Variants in ACOXL observed in about 807,000 individuals in gnomAD.
ACOXL encodes the protein acyl-coenzyme A oxidase-like protein.
In ACOXL, 70 loss-of-function variants were observed where a neutral mutation model predicts 71.9. The ratio of observed to expected loss-of-function variants is 0.97; its 90% CI spans 0.80 to 1.19. The LOEUF (loss-of-function observed/expected upper bound fraction) is 1.19. Ranked by LOEUF, ACOXL falls within the 50% of genes most tolerant of loss-of-function variation. ACOXL has a pLI of 0.00. For missense variants in ACOXL, 703 were observed against 736.3 expected, an observed-to-expected ratio of 0.95 and a Z score of 0.52; for synonymous variants, 253 against 281.6, an observed-to-expected ratio of 0.90 and a Z score of 1.02.
intron 10 of ACOXL, among the ~76,000 whole-genome samples, chr2:110,846,431 T>C (rs932816068): frequency 1.3e-5 from 2 of 152,086 alleles, no homozygotes; most frequent in African/African-American, 4.8e-5. Flanking sequence ...GCAGTGCCTC[T>C]CAGGCTGCTG....
rs373833856 is a variant in ACOXL at position 110,989,031 on chromosome 2, G to A, written c.1169+1814G>A. Among the ~76,000 whole-genome samples the A allele has an allele frequency of 9.2e-5, 14 of 151,746 alleles. No individual in the cohort carries two copies. In the South Asian group the frequency reaches 2.3e-3, roughly 25 times the overall value. On this transcript the variant is annotated intron_variant, in intron 13 of 17. Transcript: ENST00000439055. ...TGAGATAAATTCATTAATTATAGTC[G>A]AACTTATCAATCTTTTCTTTTATAT...
At chr2:110,818,497 A>ATG (rs1480538963) in intron 9 of ACOXL, among the ~76,000 whole-genome samples, 2 of 79,698 alleles carry the variant, frequency 2.5e-5, no homozygotes, top group Admixed American at 1.7e-4. Context: ...ATATATGTGT[A>ATG]TGTGTATATA....
intron 13 of ACOXL, among the ~76,000 whole-genome samples, chr2:110,992,249 T>C (rs1287019180): frequency 6.6e-6 from 1 of 152,202 alleles, no homozygotes; most frequent in Non-Finnish European, 1.5e-5. Context: ...CTCCCACACA[T>C]CTAGGTTTTA....
intron 10 of ACOXL, among the ~76,000 whole-genome samples, chr2:110,884,489 A>G (rs1203501358): frequency 6.6e-6 from 1 of 152,182 alleles, no homozygotes; most frequent in Non-Finnish European, 1.5e-5. Context: ...TAGGGGTTAC[A>G]TATCCTGCCA....
chr2:110,818,445 GTGTGTGTA>G (rs1688204938), intron 9 of ACOXL, among the ~76,000 whole-genome samples: 2 of 146,548 alleles, frequency 1.4e-5, no homozygotes, highest in Non-Finnish European at 3.0e-5. Context: ...GTGTGTGTGT[GTGTGTGTA>G]TATATATATA....
chr2:110,906,810 C>T (rs1448299679), intron 10 of ACOXL, among the ~76,000 whole-genome samples: 1 of 152,150 alleles, frequency 6.6e-6, no homozygotes, highest in Non-Finnish European at 1.5e-5. Flanking sequence ...GGGACTCAGC[C>T]TTCTTGACCT....
chr2:110,854,829 G>T (rs918917019), intron 10 of ACOXL, among the ~76,000 whole-genome samples: 1 of 152,156 alleles, frequency 6.6e-6, no homozygotes, highest in African/African-American at 2.4e-5. Flanking sequence ...CTCTGGCATG[G>T]GGTCAAGGAT....
intron 9 of ACOXL, among the ~76,000 whole-genome samples, chr2:110,816,716 G>C (rs1300590717): frequency 6.6e-6 from 1 of 152,206 alleles, no homozygotes; most frequent in Non-Finnish European, 1.5e-5. Context: ...CTGTGTAATA[G>C]GATTAAAGCT....
At chr2:110,943,672 A>T (rs1263245673) in intron 12 of ACOXL, among the ~76,000 whole-genome samples, 1 of 152,104 alleles carries the variant, frequency 6.6e-6, no homozygotes, top group Non-Finnish European at 1.5e-5. Flanking sequence ...CCCAAAGATG[A>T]GGTACTAAAC....
chr2:110,937,570 G>C (rs2060711236), intron 12 of ACOXL, among the ~76,000 whole-genome samples: 1 of 152,118 alleles, frequency 6.6e-6, no homozygotes. Flanking sequence ...ACAAATATTT[G>C]TTGAAAGAAA....
intron 12 of ACOXL, chr2:110,968,586 A>T: frequency 1.1e-6 from 1 of 932,454 alleles, no homozygotes. Context: ...CATCAAGTCT[A>T]TGAAAAGAAG....
At chr2:110,749,513 G>T (rs141651438) in intron 1 of ACOXL, among the ~76,000 whole-genome samples, 2,254 of 152,252 alleles carry the variant, frequency 0.015, 30 homozygotes, top group Non-Finnish European at 0.02. Flanking sequence ...ATCACTGGAG[G>T]TCAGGAGTTC....
chr2:110,829,325 A>G (rs756966204), intron 9 of ACOXL, among the ~76,000 whole-genome samples: 1 of 152,176 alleles, frequency 6.6e-6, no homozygotes, highest in Non-Finnish European at 1.5e-5. Flanking sequence ...CGTTGGGTCC[A>G]GGTGGTGGTC....
At chr2:111,035,645 G>C (rs1242449934) in intron 15 of ACOXL, among the ~76,000 whole-genome samples, 6 of 152,184 alleles carry the variant, frequency 3.9e-5, no homozygotes, top group Non-Finnish European at 8.8e-5. Context: ...TTCATATTAA[G>C]AGCAGGTTGT....
At chr2:111,102,475 C>CT (rs1558971019) in intron 17 of ACOXL, among the ~76,000 whole-genome samples, 1 of 152,176 alleles carries the variant, frequency 6.6e-6, no homozygotes, top group Non-Finnish European at 1.5e-5. Context: ...GCTCCAGCCT[C>CT]TGAGTTTCTC....
rs1266851564 is a variant in ACOXL at position 110,801,853 on chromosome 2, G to A, written c.620+129G>A. ...TTCCCCTAACCACCCGTACAGGTTT[G>A]TTGACAACTAATTGGAAAAGATACG... On this transcript the variant is annotated intron_variant, in intron 8 of 17. Coordinates refer to ENST00000439055, the MANE Select transcript of ACOXL (RefSeq NM_001142807.4). 4 of 700,782 alleles carry A rather than the reference G, an allele frequency of 5.7e-6. No homozygotes were observed. In the East Asian group the frequency reaches 7.9e-5, roughly 14 times the overall value. 43.4% of individuals were successfully genotyped at this position (700,782 alleles called of 1,614,324 possible).
intron 15 of ACOXL, among the ~76,000 whole-genome samples, chr2:111,033,265 C>T (rs1408649384): frequency 2.0e-5 from 3 of 152,192 alleles, no homozygotes; most frequent in Non-Finnish European, 4.4e-5. Context: ...CATTTGCAGA[C>T]TCAACATTTT....
At chr2:110,917,899 A>C (rs934227381) in intron 11 of ACOXL, among the ~76,000 whole-genome samples, 13 of 152,200 alleles carry the variant, frequency 8.5e-5, no homozygotes, top group African/African-American at 2.9e-4. Flanking sequence ...TCAAGGAAAT[A>C]AGAGAGGACA....
chr2:111,006,373 C>T (rs181330248), intron 14 of ACOXL, among the ~76,000 whole-genome samples: 133 of 152,224 alleles, frequency 8.7e-4, no homozygotes, highest in Admixed American at 2.2e-3. Context: ...GAAAGCTATG[C>T]GTGATGGTTC....
Sources: allele counts gnomAD v4.1 joint callset (sites outside exome capture counted in the v4.1 genomes callset), GRCh38; gene constraint gnomAD v4.1.1; transcripts MANE v1.5; gene names NCBI Gene and HGNC (gene_info 2026-07-23, HGNC 2026-07-21).